Variants in TUBGCP5 observed in about 807,000 individuals in gnomAD.
TUBGCP5 encodes the protein tubulin gamma complex component 5.
TUBGCP5 carries 98 observed loss-of-function variants against 134.7 expected under a neutral mutation model. That is an observed-to-expected ratio of 0.73 (90% CI 0.62 to 0.86). The LOEUF (loss-of-function observed/expected upper bound fraction) is 0.86, where lower values mean the gene tolerates loss of function less well. Ranked by LOEUF, TUBGCP5 falls within the 40% of genes least tolerant of loss-of-function variation. The probability of loss-of-function intolerance (pLI) is 0.00; values close to 1 mark genes in which losing one functional copy is unlikely to be tolerated. For missense variants in TUBGCP5, 1,150 were observed against 1,244.8 expected (o/e 0.92, Z 1.15); for synonymous variants, 456 against 431.4 (o/e 1.06, Z -0.71).
intron 11 of TUBGCP5, 60 bp downstream of exon 11, chr15:23,021,899 T>C: frequency 6.6e-7 from 1 of 1,524,098 alleles, no homozygotes; most frequent in Non-Finnish European, 9.1e-7. Context: ...CCATCAGCTG[T>C]CTATCACTCC....
intron 11 of TUBGCP5, among the ~76,000 whole-genome samples, chr15:23,020,368 C>A (rs1170091183): frequency 6.6e-6 from 1 of 151,752 alleles, no homozygotes; most frequent in Non-Finnish European, 1.5e-5. Flanking sequence ...GATCATGACA[C>A]TGCACTCCAG....
chr15:23,019,375 T>C (rs1032334013), intron 11 of TUBGCP5, 41 bp from the exon 12 acceptor site: 8 of 1,354,668 alleles, frequency 5.9e-6, no homozygotes, highest in Non-Finnish European at 8.4e-6. Context: ...CAGGGTTCCC[T>C]GGTCACTAGG....
At chr15:23,008,369 C>T (rs1567113507) in intron 16 of TUBGCP5, 2 of 325,592 alleles carry the variant, frequency 6.1e-6, no homozygotes, top group Non-Finnish European at 1.2e-5. Context: ...CAGGTTCAAG[C>T]GATTCTCCTG....
At position 23,006,075 on chromosome 15, in the gene TUBGCP5, C is replaced by T; in HGVS notation, c.2510G>A (p.Ser837Asn). 2 of 1,608,216 alleles carry T rather than the reference C, an allele frequency of 1.2e-6. No individual in the cohort carries two copies. Among genetic ancestry groups the T allele is most frequent in the South Asian group, 1.1e-5 (1 of 88,978 alleles). ...LLLQIKWAKY[S>N]LDVLLFGELV... ...ACCACCAAAAAGTAAAACATCCAGACTATATTTTGCCCACTTTATTTGCAA... is the reference window on the plus strand; with the variant it reads ...ACCACCAAAAAGTAAAACATCCAGATTATATTTTGCCCACTTTATTTGCAA... The change falls in exon 18 of 23, where the codon AGT becomes AAT. Residue 837 changes from serine (S) to asparagine (N), a missense_variant. By Grantham distance (46) the Ser-to-Asn change is conservative. Around this residue, in one of 2 missense-constraint regions of TUBGCP5, gnomAD observed 697 missense variants for 850.1 expected, o/e 0.82. Transcript: ENST00000615383.
In TUBGCP5 at chr15:23,031,016, C is replaced by A. The variant is rs988057405; in HGVS notation, c.491G>T (p.Trp164Leu). 2 of 1,609,186 alleles carry A rather than the reference C, an allele frequency of 1.2e-6. No homozygotes were observed. The highest frequency in any genetic ancestry group is 2.2e-5 in the South Asian group (2 of 90,470). Reference sequence around the variant, plus strand: ...ATTTTCCTCTTCACTTTCTTCAGACCAATTCTGATTTAAAAAAGAGATACA... The same window carrying A: ...ATTTTCCTCTTCACTTTCTTCAGACAAATTCTGATTTAAAAAAGAGATACA... The part of the protein sequence containing the change: ...DIGPYMDTPN[W>L]SEESEEENDQ... Residue 164 changes from tryptophan to leucine, a missense_variant, in exon 6 of 23, where the codon TGG (tryptophan) becomes TTG (leucine). Physicochemically the swap from Trp to Leu is moderately conservative, Grantham distance 61. Coordinates refer to ENST00000615383, the MANE Select transcript of TUBGCP5 (RefSeq NM_052903.6).
At position 23,038,508 on chromosome 15, in the gene TUBGCP5, A is replaced by G. The variant is rs1307733323; in HGVS notation, c.146+890T>C. Among the ~76,000 whole-genome samples the G allele has an allele frequency of 3.3e-5, 5 of 152,324 alleles. No homozygotes were observed. In the East Asian group the frequency reaches 7.7e-4, roughly 23 times the overall value. On this transcript the variant is annotated intron_variant, in intron 1 of 22. Coordinates refer to ENST00000615383, the MANE Select transcript of TUBGCP5 (RefSeq NM_052903.6). ...ACTTAAGAATTCAGTTTATTACTTCAGAAACTTGGCATGGTTTAAAAGAAT... is the reference window on the plus strand; with the variant it reads ...ACTTAAGAATTCAGTTTATTACTTCGGAAACTTGGCATGGTTTAAAAGAAT...
intron 6 of TUBGCP5, among the ~76,000 whole-genome samples, chr15:23,027,752 A>C (rs1056364744): frequency 6.6e-6 from 1 of 152,092 alleles, no homozygotes; most frequent in African/African-American, 2.4e-5. Context: ...ATCTCAAAAA[A>C]CAAAGTAAAA....
At position 23,006,187 on chromosome 15, in the gene TUBGCP5, C is replaced by T. The variant is rs761588688; in HGVS notation, c.2413-15G>A. The T allele has an allele frequency of 1.7e-5, 27 of 1,607,924 alleles. No homozygotes were observed. Among genetic ancestry groups the T allele is most frequent in the Non-Finnish European group, 2.2e-5 (26 of 1,178,816 alleles). ...GGCCATGGGACCTATGAAACAAAAACAAAATTAGAAAGTAACCAATTACTT... is the reference window on the plus strand; with the variant it reads ...GGCCATGGGACCTATGAAACAAAAATAAAATTAGAAAGTAACCAATTACTT... On this transcript the variant is annotated splice_polypyrimidine_tract_variant and intron_variant, in intron 17 of 22. Coordinates refer to ENST00000615383, the MANE Select transcript of TUBGCP5 (RefSeq NM_052903.6).
chr15:23,006,030 A>G (rs1464459831), intron 18 of TUBGCP5, 22 bp downstream of exon 18: 2 of 1,577,080 alleles, frequency 1.3e-6, no homozygotes, highest in East Asian at 2.3e-5. Flanking sequence ...ATTACAATTT[A>G]TCTGCTGAAA....
intron 20 of TUBGCP5, 30 bp downstream of exon 20, chr15:23,004,072 G>A (rs955902344): frequency 1.0e-5 from 16 of 1,587,926 alleles, no homozygotes; most frequent in East Asian, 2.3e-5. Flanking sequence ...GCCCAGCAGT[G>A]GCCACATCTG....
rs2064665260 is a variant in TUBGCP5 at position 23,005,667 on chromosome 15, G to A, written c.2534-57C>T. The stretch of plus-strand genomic sequence containing the variant: ...AAAGAGCATCAACTCAAACCCCACT[G>A]CACCATGACGCCTGGCAGAAACACT... On this transcript the variant is annotated intron_variant, in intron 18 of 22. Coordinates refer to ENST00000615383, the MANE Select transcript of TUBGCP5 (RefSeq NM_052903.6). The A allele has an allele frequency of 4.0e-6, 6 of 1,516,934 alleles. No individual in the cohort carries two copies. The South Asian group carries it at 7.3e-5, about 18-fold the overall frequency. 94.0% of individuals were successfully genotyped at this position (1,516,934 alleles called of 1,614,324 possible).
intron 10 of TUBGCP5, chr15:23,023,273 T>A (rs1436488460): frequency 6.7e-6 from 1 of 149,790 alleles, no homozygotes; most frequent in Non-Finnish European, 1.5e-5. Context: ...GAGCTTGCAG[T>A]AAGCAGAGAT....
chr15:23,028,687 C>T (rs534373612), intron 6 of TUBGCP5, among the ~76,000 whole-genome samples: 109 of 152,168 alleles, frequency 7.2e-4, no homozygotes, highest in African/African-American at 2.4e-3. Flanking sequence ...AACCATCACA[C>T]TTAACGGAGG....
At chr15:23,039,333 G>C (rs1393774640) in intron 1 of TUBGCP5, 65 bp downstream of exon 1, 1 of 1,296,886 alleles carries the variant, frequency 7.7e-7, no homozygotes. Context: ...ACCCCGGGCT[G>C]TGCGGGACCC....
intron 6 of TUBGCP5, among the ~76,000 whole-genome samples, chr15:23,029,314 T>A (rs959421884): frequency 2.6e-5 from 4 of 152,170 alleles, no homozygotes; most frequent in Admixed American, 6.5e-5. Flanking sequence ...CTCTACCTGC[T>A]GGGTTCAAGC....
intron 13 of TUBGCP5, 30 bp downstream of exon 13, chr15:23,017,743 A>C (rs768995282): frequency 1.3e-6 from 2 of 1,599,884 alleles, no homozygotes; most frequent in East Asian, 2.2e-5. Context: ...TCCCAACACC[A>C]AGAGAGACAC....
intron 22 of TUBGCP5, 48 bp downstream of exon 22, chr15:23,000,521 G>A (rs1421787780): frequency 6.3e-7 from 1 of 1,598,136 alleles, no homozygotes; most frequent in Non-Finnish European, 8.5e-7. Context: ...CATACACTTA[G>A]TTACAAGGAA....
chr15:23,020,650 T>C lies in TUBGCP5; in HGVS notation c.1371+1309A>G, dbSNP rs569723383. On this transcript the variant is annotated intron_variant, in intron 11 of 22. Coordinates refer to ENST00000615383, the MANE Select transcript of TUBGCP5 (RefSeq NM_052903.6). ...ATTAAATTGGTGTGAAAAAAAGTTA[T>C]ACCAACAAACTAGAAAATACACCTA... Among the ~76,000 whole-genome samples the C allele has an allele frequency of 2.5e-3, 366 of 146,280 alleles. 1 individual carries two copies. The highest frequency in any genetic ancestry group is 4.3e-3 in the Non-Finnish European group (285 of 65,566).
chr15:23,032,779 C>T lies in TUBGCP5; in HGVS notation c.355G>A (p.Asp119Asn), dbSNP rs142215983. ...ACATAACTGCTGTTTGAAGGAGAGTCTGACAGACACAGAAGAAGTGACAGT... is the reference window on the plus strand; with the variant it reads ...ACATAACTGCTGTTTGAAGGAGAGTTTGACAGACACAGAAGAAGTGACAGT... ...SILSLLLCLS[D>N]SPSNSSYVET... is the part of the protein sequence containing the mutation. Residue 119 changes from aspartate (D) to asparagine (N), a missense_variant, in exon 4 of 23, where the codon GAC (aspartate) becomes AAC (asparagine). Around this residue, in one of 2 missense-constraint regions of TUBGCP5, gnomAD observed 453 missense variants for 394.7 expected, o/e 1.15. Transcript: ENST00000615383. The T allele has an allele frequency of 2.7e-5, 43 of 1,596,090 alleles. No individual in the cohort carries two copies. Among genetic ancestry groups the T allele is most frequent in the Non-Finnish European group, 3.1e-5 (36 of 1,173,628 alleles).
Sources: gnomAD v4.1 joint callset for allele counts (sites outside exome capture counted in the v4.1 genomes callset) on GRCh38, gnomAD v4.1.1 for gene constraint, gnomAD v4.1.1 regional missense constraint, MANE v1.5 for transcripts, NCBI Gene and HGNC (gene_info 2026-07-23, HGNC 2026-07-21) for gene names.